Variants in CUEDC1 observed in about 807,000 individuals in gnomAD.
CUEDC1 encodes the protein CUE domain containing 1.
Under a neutral mutation model 43.7 loss-of-function variants are expected in CUEDC1, and 30 were observed. That is an observed-to-expected ratio of 0.69 (90% CI 0.51 to 0.93). The LOEUF (loss-of-function observed/expected upper bound fraction) is 0.93, where lower values mean the gene tolerates loss of function less well. Among genes scored for constraint, CUEDC1 ranks in the 40% least tolerant of loss-of-function variants. The pLI is 0.00. For synonymous variants in CUEDC1, 223 were observed against 223.6 expected, an observed-to-expected ratio of 1.00 and a Z score of 0.02; for missense variants, 486 against 549.0, an observed-to-expected ratio of 0.89 and a Z score of 1.15.
chr17:57,948,376 C>T (rs1286078309), intron 1 of CUEDC1, among the ~76,000 whole-genome samples: 1 of 152,068 alleles, frequency 6.6e-6, no homozygotes, highest in African/African-American at 2.4e-5. Context: ...CCAGTGAGCA[C>T]CCCCGGGTGA....
chr17:57,891,975 G>A (rs1208056611), intron 1 of CUEDC1, among the ~76,000 whole-genome samples: 1 of 152,126 alleles, frequency 6.6e-6, no homozygotes, highest in African/African-American at 2.4e-5. Flanking sequence ...TACTCACTGT[G>A]GTATCCCCAG....
rs957691031 is a variant in CUEDC1 at position 57,935,422 on chromosome 17, C to T, written c.-316+19803G>A. Among the ~76,000 whole-genome samples, 178 of 151,524 alleles carry T rather than the reference C, an allele frequency of 1.2e-3. 1 individual carries two copies. The highest frequency in any genetic ancestry group is 1.2e-4 in the Non-Finnish European group (8 of 67,878). On this transcript the variant is annotated intron_variant, in intron 1 of 10. Coordinates refer to ENST00000577830, the MANE Select transcript of CUEDC1 (RefSeq NM_001271875.2). ...ACACACACAAACACACACACACACACCCTGTTGCCTAGAGACTGGACACAT... is the reference window on the plus strand; with the variant it reads ...ACACACACAAACACACACACACACATCCTGTTGCCTAGAGACTGGACACAT...
chr17:57,908,839 T>C (rs1175823468), intron 1 of CUEDC1, among the ~76,000 whole-genome samples: 2 of 152,110 alleles, frequency 1.3e-5, no homozygotes, highest in East Asian at 1.9e-4. Context: ...CTACTAAAAA[T>C]AGAAAAAATC....
At chr17:57,915,921 C>G (rs573607815) in intron 1 of CUEDC1, among the ~76,000 whole-genome samples, 3 of 152,188 alleles carry the variant, frequency 2.0e-5, no homozygotes, top group Admixed American at 2.0e-4. Context: ...GCAACTCACC[C>G]GTTTGAATCA....
At chr17:57,936,728 C>T (rs903735783) in intron 1 of CUEDC1, among the ~76,000 whole-genome samples, 1 of 152,082 alleles carries the variant, frequency 6.6e-6, no homozygotes, top group Non-Finnish European at 1.5e-5. Flanking sequence ...CACTCTCCTG[C>T]GCACTGCTCC....
At chr17:57,945,504 A>G (rs1317855471) in intron 1 of CUEDC1, among the ~76,000 whole-genome samples, 2 of 152,212 alleles carry the variant, frequency 1.3e-5, no homozygotes, top group East Asian at 3.8e-4. Context: ...GTTTTCCCAT[A>G]TTTCCAGAAT....
rs1452168173 is a variant in CUEDC1, at chr17:57,893,878, G to A, written c.-315-7999C>T. On this transcript the variant is annotated intron_variant, in intron 1 of 10. Transcript: ENST00000577830. ...TGGGAGGCCAAGGCAGGTGGATCAC[G>A]AGATCAGGAGTTCAAGACCAGCCTG... Among the ~76,000 whole-genome samples the A allele has an allele frequency of 8.5e-5, 13 of 152,188 alleles. No homozygotes were observed. In the East Asian group the frequency reaches 1.7e-3, roughly 20 times the overall value.
At chr17:57,947,204 G>T (rs2074967662) in intron 1 of CUEDC1, among the ~76,000 whole-genome samples, 1 of 150,010 alleles carries the variant, frequency 6.7e-6, no homozygotes, top group South Asian at 2.1e-4. Context: ...CTTTCTTAAT[G>T]AATAGGGAAT....
chr17:57,912,905 C>G, intron 1 of CUEDC1, among the ~76,000 whole-genome samples: 1 of 152,228 alleles, frequency 6.6e-6, no homozygotes, highest in East Asian at 1.9e-4. Context: ...TGCAGTGGTG[C>G]GGTCATAGCT....
chr17:57,873,429 G>A (rs558676421), intron 4 of CUEDC1, among the ~76,000 whole-genome samples, 162 bp downstream of exon 4: 115 of 152,346 alleles, frequency 7.5e-4, no homozygotes, highest in African/African-American at 2.6e-3. Flanking sequence ...CAGGAAGTGA[G>A]GCTTTCAGTT....
At chr17:57,939,113 G>T (rs2074891043) in intron 1 of CUEDC1, among the ~76,000 whole-genome samples, 1 of 151,630 alleles carries the variant, frequency 6.6e-6, no homozygotes, top group African/African-American at 2.4e-5. Flanking sequence ...GACTACAGGA[G>T]TGTGACACCA....
chr17:57,931,776 C>G (rs1428466560), intron 1 of CUEDC1, among the ~76,000 whole-genome samples: 1 of 152,148 alleles, frequency 6.6e-6, no homozygotes, highest in East Asian at 1.9e-4. Flanking sequence ...GACACAGTCC[C>G]GAATCCAGGG....
Position 57,885,475 on chromosome 17 carries a change from G to C in CUEDC1, c.90C>G (p.Pro30=), listed in dbSNP as rs754576076. Residue 30 remains proline, a synonymous_variant, in exon 2 of 11, where the codon CCC becomes CCG. Transcript: ENST00000577830. ...ARGGGGGTAA[P]QELNNSRPAR... is the part of the protein sequence containing the mutation. ...CAGGCCGGCTGTTGTTGAGCTCCTG[G>C]GGGGCGGCCGTGCCTCCCCCGCCCC... The C allele has an allele frequency of 1.5e-5, 23 of 1,574,532 alleles. No individual in the cohort carries two copies. The highest frequency in any genetic ancestry group is 1.9e-5 in the Non-Finnish European group (22 of 1,164,910).
At chr17:57,920,853 T>C (rs544357597) in intron 1 of CUEDC1, among the ~76,000 whole-genome samples, 109 of 152,264 alleles carry the variant, frequency 7.2e-4, no homozygotes, top group African/African-American at 2.4e-3. Context: ...GCCAGGCCAG[T>C]CTTGAACTCC....
At chr17:57,948,348 G>A (rs1031108821) in intron 1 of CUEDC1, among the ~76,000 whole-genome samples, 3 of 152,014 alleles carry the variant, frequency 2.0e-5, no homozygotes, top group Admixed American at 6.6e-5. Context: ...CTCCATCCCC[G>A]AGAGCTGTAG....
Position 57,935,978 on chromosome 17 carries a change from G to A in CUEDC1, c.-316+19247C>T, listed in dbSNP as rs376506500. ...GTCCACACCCACCTCCGCTGTTGCT[G>A]TCCTGTCTCCTGGGCCAGTGACCCA... On this transcript the variant is annotated intron_variant, in intron 1 of 10. Coordinates refer to ENST00000577830, the MANE Select transcript of CUEDC1 (RefSeq NM_001271875.2). 5.8e-4 allele frequency among the ~76,000 whole-genome samples: 89 copies of A among 152,336 alleles called. 1 individual carries two copies. In the East Asian group the frequency reaches 7.9e-3, roughly 14 times the overall value.
rs748036535 is a variant in CUEDC1 at position 57,866,493 on chromosome 17, A to C, written c.1145T>G (p.Leu382Arg). 5.0e-6 allele frequency: 8 copies of C among 1,614,164 alleles called. No homozygotes were observed. Among genetic ancestry groups the C allele is most frequent in the Admixed American group, 3.3e-5 (2 of 60,028 alleles). Residue 382 changes from leucine to arginine, a missense_variant, in exon 10 of 11, where the codon CTG (leucine) becomes CGG (arginine). Coordinates refer to ENST00000577830, the MANE Select transcript of CUEDC1 (RefSeq NM_001271875.2). ...RQEAPKVEEG[L>R]REGQ ...CCTTACCTCTTACTGTCCTTCTCGCAGGCCTTCCTCCACCTTGGGTGCCTC... is the reference window on the plus strand; with the variant it reads ...CCTTACCTCTTACTGTCCTTCTCGCCGGCCTTCCTCCACCTTGGGTGCCTC...
intron 1 of CUEDC1, among the ~76,000 whole-genome samples, chr17:57,935,379 A>ACACACACT (rs1491288461): frequency 4.9e-5 from 1 of 20,524 alleles, no homozygotes; most frequent in East Asian, 0.1. Flanking sequence ...CTTCCATTAG[A>ACACACACT]CACACACACA....
intron 3 of CUEDC1, among the ~76,000 whole-genome samples, chr17:57,874,760 G>A (rs1180454539): frequency 6.6e-6 from 1 of 152,166 alleles, no homozygotes; most frequent in Non-Finnish European, 1.5e-5. Flanking sequence ...TTCAGCTCTA[G>A]GAATCCCGCC....
Sources: gnomAD v4.1 joint callset for allele counts (sites outside exome capture counted in the v4.1 genomes callset) on GRCh38, gnomAD v4.1.1 for gene constraint, MANE v1.5 for transcripts, NCBI Gene and HGNC (gene_info 2026-07-23, HGNC 2026-07-21) for gene names.